Variants in AADAT observed in about 807,000 individuals in gnomAD.
AADAT encodes kynurenine/alpha-aminoadipate aminotransferase, mitochondrial.
Under a neutral mutation model 56.2 loss-of-function variants are expected in AADAT, and 25 were observed. The ratio of observed to expected loss-of-function variants is 0.44; its 90% CI spans 0.32 to 0.62. The LOEUF is 0.62. AADAT is among the 20% of genes least tolerant of loss of function. The probability of loss-of-function intolerance (pLI) is 0.04; values close to 1 mark genes in which losing one functional copy is unlikely to be tolerated. For synonymous variants in AADAT, 173 were observed against 164.7 expected (o/e 1.05, Z -0.39); for missense variants, 387 against 510.5 (o/e 0.76, Z 2.33).
At chr4:170,091,367 AC>A (rs1379594114), upstream of AADAT, among the ~76,000 whole-genome samples, 1 of 152,020 alleles carries the variant, frequency 6.6e-6, no homozygotes, top group East Asian at 1.9e-4. Context: ...GGGGCTTAGC[AC>A]CCGGGCCAGC....
At chr4:170,088,353 A>C in intron 2 of AADAT, 43 bp downstream of exon 2, 1 of 1,516,544 alleles carries the variant, frequency 6.6e-7, no homozygotes, top group East Asian at 2.3e-5. Context: ...AATATTTCTT[A>C]TGAAAATAAG....
intron 12 of AADAT, 73 bp from the exon 13 acceptor site, chr4:170,061,042 A>G: frequency 9.0e-7 from 1 of 1,107,492 alleles, no homozygotes; most frequent in Non-Finnish European, 1.3e-6. Context: ...ATAACTTTAA[A>G]AATCCAAACA....
chr4:170,090,921 GCT>G (rs1314987849), upstream of AADAT, among the ~76,000 whole-genome samples: 1 of 152,162 alleles, frequency 6.6e-6, no homozygotes, highest in Non-Finnish European at 1.5e-5. Flanking sequence ...CTGCCAAATG[GCT>G]CTCTTTTAAG....
intron 4 of AADAT, among the ~76,000 whole-genome samples, chr4:170,075,910 T>C (rs530347714): frequency 1.3e-5 from 2 of 152,372 alleles, no homozygotes; most frequent in South Asian, 2.1e-4. Context: ...TACTGTAATA[T>C]GTATCAGATC....
intron 3 of AADAT, among the ~76,000 whole-genome samples, chr4:170,082,921 G>A (rs746094930): frequency 4.6e-5 from 7 of 151,486 alleles, no homozygotes; most frequent in Non-Finnish European, 7.4e-5. Context: ...AGGGAGAGAT[G>A]GAATGTAATA....
At chr4:170,067,161 GAACT>G (rs1198048250) in intron 9 of AADAT, among the ~76,000 whole-genome samples, 162 bp downstream of exon 9, 3 of 152,176 alleles carry the variant, frequency 2.0e-5, no homozygotes, top group Admixed American at 6.5e-5. Flanking sequence ...GCTAGGTGAA[GAACT>G]AACAAAATGA....
intron 1 of AADAT, among the ~76,000 whole-genome samples, chr4:170,088,925 G>A (rs756611585): frequency 7.3e-5 from 11 of 150,022 alleles, no homozygotes; most frequent in South Asian, 2.1e-4. Context: ...CTATAAGGAA[G>A]GGCTCTCACC....
chr4:170,087,915 A>G (rs1004494392), intron 2 of AADAT, among the ~76,000 whole-genome samples: 1 of 151,428 alleles, frequency 6.6e-6, no homozygotes, highest in African/African-American at 2.4e-5. Context: ...ACTATATTCA[A>G]TGTATTTGCA....
At chr4:170,092,266 A>C (rs1316397091), upstream of AADAT, among the ~76,000 whole-genome samples, 1 of 152,226 alleles carries the variant, frequency 6.6e-6, no homozygotes, top group South Asian at 2.1e-4. Flanking sequence ...CATTGCTTTT[A>C]TGAGTTGTAA....
chr4:170,061,750 T>C, intron 12 of AADAT, 142 bp downstream of exon 12: 2 of 465,552 alleles, frequency 4.3e-6, no homozygotes. Context: ...CTTTTAATGA[T>C]AGTTCATGAC....
intron 1 of AADAT, among the ~76,000 whole-genome samples, 160 bp from the exon 2 acceptor site, chr4:170,088,724 G>T (rs776272787): frequency 6.6e-6 from 1 of 152,138 alleles, no homozygotes; most frequent in Non-Finnish European, 1.5e-5. Flanking sequence ...TTCATACTTG[G>T]AAGTTAATAC....
upstream of AADAT, chr4:170,090,569 C>A (rs562575179): frequency 2.6e-5 from 4 of 152,270 alleles, no homozygotes; most frequent in South Asian, 8.3e-4. Context: ...TGAGTCTCTT[C>A]AATTTTAGTG....
intron 4 of AADAT, among the ~76,000 whole-genome samples, chr4:170,077,453 A>G (rs1732094991): frequency 6.6e-6 from 1 of 152,114 alleles, no homozygotes; most frequent in African/African-American, 2.4e-5. Flanking sequence ...TTTGGATGCT[A>G]TTACAAATGG....
At chr4:170,065,824 T>A (rs549300825) in intron 10 of AADAT, among the ~76,000 whole-genome samples, 15 of 152,308 alleles carry the variant, frequency 9.8e-5, no homozygotes, top group Admixed American at 3.9e-4. Flanking sequence ...TTACCAAGAC[T>A]TTATAGAAAA....
chr4:170,073,397 C>T (rs1249140646), intron 4 of AADAT, 52 bp from the exon 5 acceptor site: 1 of 1,446,042 alleles, frequency 6.9e-7, no homozygotes, highest in Non-Finnish European at 9.2e-7. Flanking sequence ...AATGTAAGTG[C>T]TATTGGTTTT....
At chr4:170,076,272 G>GT (rs1480102505) in intron 4 of AADAT, among the ~76,000 whole-genome samples, 1 of 151,974 alleles carries the variant, frequency 6.6e-6, no homozygotes, top group African/African-American at 2.4e-5. Flanking sequence ...AGCCATCGTG[G>GT]TATGTGTGAG....
At chr4:170,088,740 T>C (rs921934585) in intron 1 of AADAT, among the ~76,000 whole-genome samples, 176 bp from the exon 2 acceptor site, 9 of 152,150 alleles carry the variant, frequency 5.9e-5, no homozygotes, top group Admixed American at 3.3e-4. Context: ...AATACTAATG[T>C]GATAGTTTTA....
chr4:170,067,216 C>T, intron 9 of AADAT, 111 bp downstream of exon 9: 1 of 807,244 alleles, frequency 1.2e-6, no homozygotes. Flanking sequence ...TATTGTCTCT[C>T]CTTTCCGAGG....
intron 5 of AADAT, among the ~76,000 whole-genome samples, chr4:170,070,943 C>T (rs546683432): frequency 3.9e-5 from 6 of 152,244 alleles, no homozygotes; most frequent in East Asian, 3.9e-4. Flanking sequence ...GACAGAGTCT[C>T]GCTCTGTCGC....
Sources: allele counts gnomAD v4.1 joint callset (sites outside exome capture counted in the v4.1 genomes callset), GRCh38; gene constraint gnomAD v4.1.1; transcripts MANE v1.5; gene names NCBI Gene and HGNC (gene_info 2026-07-23, HGNC 2026-07-21).